SLC39A11: variants seen among roughly 807,000 people sequenced by gnomAD.
SLC39A11 encodes the protein solute carrier family 39 member 11.
In SLC39A11, 33 loss-of-function variants were observed where a neutral mutation model predicts 36.1. That is an observed-to-expected ratio of 0.91 (90% CI 0.69 to 1.22). The LOEUF (loss-of-function observed/expected upper bound fraction) is 1.22, where lower values mean the gene tolerates loss of function less well. Among genes scored for constraint, SLC39A11 ranks in the 50% most tolerant of loss-of-function variants. The pLI, the probability that SLC39A11 is intolerant of heterozygous loss-of-function variation, is 0.00. For synonymous variants in SLC39A11, 166 were observed against 170.3 expected (o/e 0.97, Z 0.20); for missense variants, 432 against 430.3 (o/e 1.00, Z -0.03).
At chr17:72,713,098 G>C (rs1484571495) in intron 7 of SLC39A11, 5 of 152,472 alleles carry the variant, frequency 3.3e-5, no homozygotes, top group Non-Finnish European at 7.3e-5. Context: ...AGGTAAACAG[G>C]AAGAAGCAGG....
chr17:72,999,961 C>T (rs1290836274), intron 4 of SLC39A11, among the ~76,000 whole-genome samples: 3 of 152,092 alleles, frequency 2.0e-5, no homozygotes, highest in African/African-American at 4.8e-5. Flanking sequence ...TGGCTGGTCT[C>T]GAACTCCTGA....
At chr17:72,819,062 T>C (rs1004325282) in intron 6 of SLC39A11, 1 of 152,230 alleles carries the variant, frequency 6.6e-6, no homozygotes, top group South Asian at 2.1e-4. Flanking sequence ...AATTGAACTG[T>C]CTCTCCCCCA....
intron 3 of SLC39A11, among the ~76,000 whole-genome samples, chr17:73,063,233 TG>T (rs1467207412): frequency 6.6e-6 from 1 of 152,244 alleles, no homozygotes; most frequent in Non-Finnish European, 1.5e-5. Flanking sequence ...CGAAGGTAAC[TG>T]AATCAATTGG....
chr17:72,838,090 C>T (rs2078645422), intron 6 of SLC39A11: 1 of 672,438 alleles, frequency 1.5e-6, no homozygotes, highest in Non-Finnish European at 2.1e-6. Context: ...TCGAGGCCAC[C>T]CTGGCCAACA....
intron 7 of SLC39A11, among the ~76,000 whole-genome samples, chr17:72,702,433 G>A (rs987022148): frequency 1.3e-5 from 2 of 152,182 alleles, no homozygotes; most frequent in Admixed American, 6.5e-5. Context: ...CTAGTGGGAA[G>A]AGGCTAATGC....
Position 72,797,260 on chromosome 17 carries a change from G to A in SLC39A11, c.601+52374C>T, listed in dbSNP as rs1225369005. On this transcript the variant is annotated intron_variant, in intron 6 of 9. Coordinates refer to ENST00000255559, the MANE Select transcript of SLC39A11 (RefSeq NM_139177.4). The stretch of plus-strand genomic sequence containing the variant: ...AATAATAATAAATAATAGTAGCCAT[G>A]TCCCTGAGGAATGCCAACCCATCTA... Among the ~76,000 whole-genome samples the A allele has an allele frequency of 6.6e-5, 10 of 152,246 alleles. No individual in the cohort carries two copies. The East Asian group carries it at 1.7e-3, about 26-fold the overall frequency.
At chr17:73,003,202 AG>A (rs1191813994) in intron 4 of SLC39A11, among the ~76,000 whole-genome samples, 1 of 152,228 alleles carries the variant, frequency 6.6e-6, no homozygotes, top group Non-Finnish European at 1.5e-5. Flanking sequence ...TTGAAATGTT[AG>A]TTTGATATTT....
chr17:72,662,926 C>T (rs2070542457), intron 7 of SLC39A11, among the ~76,000 whole-genome samples: 1 of 152,202 alleles, frequency 6.6e-6, no homozygotes, highest in Admixed American at 6.5e-5. Context: ...GCAAGTGCCC[C>T]TCTACAACAG....
At chr17:73,005,257 C>A (rs1333996208) in intron 4 of SLC39A11, among the ~76,000 whole-genome samples, 1 of 152,186 alleles carries the variant, frequency 6.6e-6, no homozygotes, top group Non-Finnish European at 1.5e-5. Context: ...GGATTACAGG[C>A]GTGAGCCACC....
At chr17:72,817,133 G>T (rs1463216626) in intron 6 of SLC39A11, among the ~76,000 whole-genome samples, 2 of 152,030 alleles carry the variant, frequency 1.3e-5, no homozygotes, top group East Asian at 3.9e-4. Context: ...AACTTATAAA[G>T]AAAAGAGATT....
chr17:72,956,587 T>C (rs1387594437), intron 4 of SLC39A11, among the ~76,000 whole-genome samples: 1 of 152,176 alleles, frequency 6.6e-6, no homozygotes, highest in East Asian at 1.9e-4. Flanking sequence ...TATAATGAAG[T>C]ATTTCTTTTC....
intron 5 of SLC39A11, among the ~76,000 whole-genome samples, chr17:72,869,688 G>T (rs1322091965): frequency 6.6e-6 from 1 of 151,798 alleles, no homozygotes; most frequent in Non-Finnish European, 1.5e-5. Flanking sequence ...CACGCCCAGT[G>T]AATTTTTAAA....
intron 6 of SLC39A11, among the ~76,000 whole-genome samples, chr17:72,832,287 T>C (rs1179413130): frequency 6.6e-6 from 1 of 152,118 alleles, no homozygotes; most frequent in East Asian, 1.9e-4. Context: ...GAAGTCTAGG[T>C]GTTATTGGGA....
At chr17:72,662,650 A>AG (rs1567918195) in intron 7 of SLC39A11, among the ~76,000 whole-genome samples, 3 of 150,314 alleles carry the variant, frequency 2.0e-5, no homozygotes, top group Non-Finnish European at 4.4e-5. Flanking sequence ...AAAGAAAAAG[A>AG]AAAAAGAAAA....
intron 6 of SLC39A11, among the ~76,000 whole-genome samples, chr17:72,849,227 G>C (rs1259810532): frequency 2.0e-5 from 3 of 152,156 alleles, no homozygotes; most frequent in Non-Finnish European, 4.4e-5. Flanking sequence ...AAGAAAATCT[G>C]AGTGTAAGTG....
intron 6 of SLC39A11, among the ~76,000 whole-genome samples, chr17:72,786,054 T>A (rs1238406162): frequency 1.3e-5 from 2 of 152,182 alleles, no homozygotes; most frequent in Non-Finnish European, 2.9e-5. Context: ...GGCCAAATTA[T>A]CAGAAACCGA....
intron 3 of SLC39A11, among the ~76,000 whole-genome samples, chr17:73,054,265 G>A (rs2059598013): frequency 1.3e-5 from 2 of 152,036 alleles, no homozygotes; most frequent in South Asian, 4.2e-4. Flanking sequence ...AGGAGGCTGA[G>A]GCAGGAGAAT....
chr17:72,890,205 C>T (rs924432831), intron 5 of SLC39A11, among the ~76,000 whole-genome samples: 3 of 151,236 alleles, frequency 2.0e-5, no homozygotes, highest in Non-Finnish European at 2.9e-5. Context: ...GCAGAGGTTA[C>T]AGTGAGCCGA....
intron 6 of SLC39A11, among the ~76,000 whole-genome samples, chr17:72,761,647 C>A (rs1263292475): frequency 6.6e-6 from 1 of 152,210 alleles, no homozygotes; most frequent in Non-Finnish European, 1.5e-5. Flanking sequence ...GGCTAAGCAA[C>A]CTGGGTCATA....
Sources: gnomAD v4.1 joint callset for allele counts (sites outside exome capture counted in the v4.1 genomes callset) on GRCh38, gnomAD v4.1.1 for gene constraint, MANE v1.5 for transcripts, NCBI Gene and HGNC (gene_info 2026-07-23, HGNC 2026-07-21) for gene names.